NTM: variants seen among roughly 807,000 people sequenced by gnomAD.
The protein encoded by NTM is neurotrimin.
Under a neutral mutation model 42.1 loss-of-function variants are expected in NTM, and 13 were observed. The observed-to-expected ratio is 0.31, with a 90% CI of 0.20 to 0.49. The LOEUF (loss-of-function observed/expected upper bound fraction) is 0.49. Among genes scored for constraint, NTM ranks in the 20% least tolerant of loss-of-function variants. The pLI is 0.99. For missense variants in NTM, 373 were observed against 452.8 expected (o/e 0.82, Z 1.60); for synonymous variants, 187 against 179.2 (o/e 1.04, Z -0.35).
At chr11:132,019,549 A>T (rs2074002837) in intron 2 of NTM, among the ~76,000 whole-genome samples, 1 of 152,002 alleles carries the variant, frequency 6.6e-6, no homozygotes, top group Non-Finnish European at 1.5e-5. Flanking sequence ...GAACTCTTTT[A>T]TCATACTGAA....
rs1185122837 is a variant in NTM at position 131,700,405 on chromosome 11, A to G, written c.83-211159A>G. 2.0e-5 allele frequency among the ~76,000 whole-genome samples: 3 copies of G among 152,060 alleles called. No homozygotes were observed. The East Asian group carries it at 5.8e-4, about 29-fold the overall frequency. ...TCTCTAAGAGATCCCCCTTTCTCCC[A>G]TAGTTTTAGCTACCTATAAGTTCAC... On this transcript the variant is annotated intron_variant, in intron 1 of 8. Coordinates refer to ENST00000683400, the MANE Select transcript of NTM (RefSeq NM_001352005.2).
At chr11:131,870,208 T>C (rs1486470662) in intron 1 of NTM, among the ~76,000 whole-genome samples, 1 of 152,230 alleles carries the variant, frequency 6.6e-6, no homozygotes, top group East Asian at 1.9e-4. Context: ...AGAAAGTGGA[T>C]GGGCTTTGGA....
intron 8 of NTM, among the ~76,000 whole-genome samples, chr11:132,334,116 A>G (rs1371089053): frequency 6.6e-6 from 1 of 152,262 alleles, no homozygotes; most frequent in Non-Finnish European, 1.5e-5. Context: ...TAGCTAATTC[A>G]TCTGGGCATC....
chr11:131,625,756 G>T (rs553569773), intron 1 of NTM, among the ~76,000 whole-genome samples: 2 of 152,250 alleles, frequency 1.3e-5, no homozygotes, highest in African/African-American at 4.8e-5. Context: ...CCTCCAACTT[G>T]ATGCCAGCCT....
intron 8 of NTM, among the ~76,000 whole-genome samples, chr11:132,334,729 G>T (rs997036794): frequency 1.1e-4 from 17 of 151,978 alleles, no homozygotes; most frequent in African/African-American, 4.1e-4. Flanking sequence ...TAATGAATCT[G>T]CCACCTTCTT....
At chr11:132,040,441 A>G (rs2077036927) in intron 2 of NTM, among the ~76,000 whole-genome samples, 1 of 152,216 alleles carries the variant, frequency 6.6e-6, no homozygotes. Flanking sequence ...TGGGTGACAC[A>G]TTTCAGGAGA....
At chr11:132,048,894 G>A (rs1264109854) in intron 2 of NTM, among the ~76,000 whole-genome samples, 1 of 149,728 alleles carries the variant, frequency 6.7e-6, no homozygotes, top group Non-Finnish European at 1.5e-5. Flanking sequence ...ATTTGTGCAC[G>A]GTGCTGGATC....
At chr11:132,308,456 G>A (rs1002858488) in intron 5 of NTM, among the ~76,000 whole-genome samples, 1 of 152,104 alleles carries the variant, frequency 6.6e-6, no homozygotes, top group Non-Finnish European at 1.5e-5. Flanking sequence ...GATTGTCTCT[G>A]ACATCAATCC....
intron 2 of NTM, among the ~76,000 whole-genome samples, chr11:131,949,453 A>T (rs182342727): frequency 2.6e-5 from 4 of 152,326 alleles, no homozygotes; most frequent in East Asian, 3.9e-4. Flanking sequence ...ACACTGACCT[A>T]GACTCTAATC....
intron 1 of NTM, among the ~76,000 whole-genome samples, chr11:131,785,485 G>A (rs1565543772): frequency 6.6e-6 from 1 of 152,186 alleles, no homozygotes; most frequent in Non-Finnish European, 1.5e-5. Context: ...AAGAAATTAT[G>A]TAGTATTACT....
At chr11:131,531,740 G>A (rs2051308385) in intron 1 of NTM, among the ~76,000 whole-genome samples, 1 of 152,172 alleles carries the variant, frequency 6.6e-6, no homozygotes, top group South Asian at 2.1e-4. Context: ...CCGAGGTAGA[G>A]GGTTTTCATA....
chr11:131,878,957 C>T (rs1478468043), intron 1 of NTM, among the ~76,000 whole-genome samples: 1 of 152,084 alleles, frequency 6.6e-6, no homozygotes, highest in East Asian at 1.9e-4. Context: ...ACTATGTACG[C>T]TGCCAATCAG....
intron 1 of NTM, among the ~76,000 whole-genome samples, chr11:131,803,577 T>C (rs1360799339): frequency 6.6e-6 from 1 of 152,212 alleles, no homozygotes; most frequent in African/African-American, 2.4e-5. Flanking sequence ...CCCAAAGTGC[T>C]GGGATTACAG....
intron 1 of NTM, among the ~76,000 whole-genome samples, chr11:131,873,270 C>A (rs542650238): frequency 6.6e-6 from 1 of 151,870 alleles, no homozygotes; most frequent in South Asian, 2.1e-4. Context: ...AACAGAAAAC[C>A]AAACACCGCA....
chr11:131,776,987 T>A (rs889384471), intron 1 of NTM: 1 of 221,884 alleles, frequency 4.5e-6, no homozygotes, highest in African/African-American at 2.3e-5. Flanking sequence ...TCTGGGCAGC[T>A]GCTTCTCATC....
At chr11:131,703,154 A>C (rs985201552) in intron 1 of NTM, among the ~76,000 whole-genome samples, 1 of 152,230 alleles carries the variant, frequency 6.6e-6, no homozygotes, top group Non-Finnish European at 1.5e-5. Context: ...TCCATTTCAC[A>C]ACACAGCTGA....
intron 1 of NTM, among the ~76,000 whole-genome samples, chr11:131,412,322 A>G (rs768454297): frequency 3.9e-5 from 6 of 152,182 alleles, no homozygotes; most frequent in African/African-American, 1.2e-4. Flanking sequence ...CTCAGCATGT[A>G]TCATGTTTTG....
chr11:131,774,082 A>G, intron 1 of NTM: 1 of 984,924 alleles, frequency 1.0e-6, no homozygotes, highest in Non-Finnish European at 1.2e-6. Context: ...GTTGTTCCAA[A>G]ATTGCTCTGA....
intron 1 of NTM, among the ~76,000 whole-genome samples, chr11:131,820,630 T>C (rs1297610716): frequency 6.6e-6 from 1 of 152,212 alleles, no homozygotes; most frequent in Non-Finnish European, 1.5e-5. Context: ...CTTAATTTGA[T>C]ATCTGTCATT....
Sources: gnomAD v4.1 joint callset for allele counts (sites outside exome capture counted in the v4.1 genomes callset) on GRCh38, gnomAD v4.1.1 for gene constraint, MANE v1.5 for transcripts, NCBI Gene and HGNC (gene_info 2026-07-23, HGNC 2026-07-21) for gene names.